Variants in RAB30 observed in about 807,000 individuals in gnomAD.
RAB30 encodes the protein ras-related protein Rab-30.
A neutral mutation model predicts 25.1 loss-of-function variants in RAB30; 9 were observed. The observed-to-expected ratio is 0.36, with a 90% CI of 0.22 to 0.63. The LOEUF (loss-of-function observed/expected upper bound fraction) is 0.63. Among genes scored for constraint, RAB30 ranks in the 20% least tolerant of loss-of-function variants. The pLI, the probability that RAB30 is intolerant of heterozygous loss-of-function variation, is 0.69. For missense variants in RAB30, 140 were observed against 243.5 expected, an observed-to-expected ratio of 0.58 and a Z score of 2.83; for synonymous variants, 77 against 86.4, an observed-to-expected ratio of 0.89 and a Z score of 0.60.
intron 1 of RAB30, among the ~76,000 whole-genome samples, chr11:83,032,995 A>G (rs1857905272): frequency 7.0e-6 from 1 of 142,632 alleles, no homozygotes; most frequent in South Asian, 2.5e-4. Context: ...TATGGTTTTG[A>G]TGTATTTTTC....
In RAB30 at chr11:82,981,061, T is replaced by C. The variant is rs556552331; in HGVS notation, c.*1104A>G. 92 of 152,328 alleles carry C rather than the reference T, an allele frequency of 6.0e-4. No individual in the cohort carries two copies. The highest frequency in any genetic ancestry group is 2.1e-3 in the African/African-American group (89 of 41,566). 9.4% of individuals were successfully genotyped at this position (152,328 alleles called of 1,614,324 possible). On this transcript the variant is annotated 3_prime_UTR_variant, in exon 5 of 5. Transcript: ENST00000527633. Reference sequence around the variant, plus strand: ...TTTCATCTGTTGCTATTCTCACTTATCATACTAAAAAATCTACAAAATCCT... The same window carrying C: ...TTTCATCTGTTGCTATTCTCACTTACCATACTAAAAAATCTACAAAATCCT...
At chr11:82,991,530 AG>A (rs1164787188) in intron 3 of RAB30, among the ~76,000 whole-genome samples, 10 of 150,622 alleles carry the variant, frequency 6.6e-5, no homozygotes, top group African/African-American at 2.2e-4. Flanking sequence ...AAAAAAAAAA[AG>A]ATGACAATAA....
chr11:83,057,913 T>A (rs78476653), intron 1 of RAB30, among the ~76,000 whole-genome samples: 10,315 of 152,234 alleles, frequency 0.068, 770 homozygotes, highest in African/African-American at 0.18. Context: ...AGAGCTACTG[T>A]CGGCTTTGCC....
rs1157444379 is a variant in RAB30, at chr11:82,982,028, C to T, written c.*137G>A. 3 of 1,229,192 alleles carry T rather than the reference C, an allele frequency of 2.4e-6. No individual in the cohort carries two copies. Among genetic ancestry groups the T allele is most frequent in the Non-Finnish European group, 3.4e-6 (3 of 876,680 alleles). The allele number at this position is 1,229,192 out of a possible 1,614,324, so 76.1% of individuals were successfully genotyped here. ...GCCTGTGGTCGAGGCCCTTGGCCTG[C>T]CATGCTTTGTAAGCTCAGGAGCCCA... On this transcript the variant is annotated 3_prime_UTR_variant, in exon 5 of 5. Coordinates refer to ENST00000527633, the MANE Select transcript of RAB30 (RefSeq NM_001286060.2).
intron 3 of RAB30, among the ~76,000 whole-genome samples, chr11:82,989,578 G>A (rs1856809075): frequency 6.6e-6 from 1 of 152,226 alleles, no homozygotes; most frequent in Admixed American, 6.5e-5. Context: ...AGAATAATGG[G>A]CTATTGTTTT....
intron 1 of RAB30, among the ~76,000 whole-genome samples, chr11:83,001,446 T>C (rs1857083687): frequency 6.6e-6 from 1 of 152,196 alleles, no homozygotes; most frequent in African/African-American, 2.4e-5. Context: ...TCCAAAGTGC[T>C]GGGATTACAG....
intron 1 of RAB30, among the ~76,000 whole-genome samples, chr11:83,062,918 G>A (rs550059816): frequency 8.6e-5 from 13 of 150,532 alleles, no homozygotes; most frequent in Admixed American, 4.7e-4. Flanking sequence ...CAAGAGAATC[G>A]CTTGAACCCA....
chr11:82,984,518 C>T, intron 4 of RAB30, among the ~76,000 whole-genome samples: 1 of 152,312 alleles, frequency 6.6e-6, no homozygotes, highest in East Asian at 1.9e-4. Flanking sequence ...AGCTGTATTT[C>T]CTGTCCTGTG....
intron 1 of RAB30, among the ~76,000 whole-genome samples, chr11:83,028,911 C>G (rs1857786789): frequency 6.6e-6 from 1 of 152,130 alleles, no homozygotes; most frequent in Admixed American, 6.5e-5. Context: ...GTGGCATGCA[C>G]CTGTGGTCCC....
intron 1 of RAB30, among the ~76,000 whole-genome samples, chr11:82,999,610 A>C (rs1857033952): frequency 6.6e-6 from 1 of 152,070 alleles, no homozygotes; most frequent in Non-Finnish European, 1.5e-5. Context: ...TCTCCTCATA[A>C]TCCACATTCT....
rs1856580689 is a variant in RAB30 at position 82,978,336 on chromosome 11, A to C, written c.*3829T>G. The C allele has an allele frequency of 6.6e-6, 1 of 152,176 alleles. No homozygotes were observed. Among genetic ancestry groups the C allele is most frequent in the African/African-American group, 2.4e-5 (1 of 41,446 alleles). The allele number at this position is 152,176 out of a possible 1,614,324, so 9.4% of individuals were successfully genotyped here. A position where few individuals can be genotyped will look rare whatever the true frequency, so the allele number is the denominator to read the frequency against. On this transcript the variant is annotated 3_prime_UTR_variant, in exon 5 of 5. Transcript: ENST00000527633. ...CAGAGTTCTACAAGATTAAGAAATA[A>C]AAAAGACATTAGATTTTTGCCCTAA... is the stretch of plus-strand genomic sequence containing the variant.
intron 1 of RAB30, among the ~76,000 whole-genome samples, chr11:83,040,567 G>A (rs1022734511): frequency 6.7e-6 from 1 of 149,180 alleles, no homozygotes; most frequent in Non-Finnish European, 1.5e-5. Flanking sequence ...ACTCCAGCCT[G>A]GGCAACAAGA....
rs1856648830 is a variant in RAB30, at chr11:82,982,092, C to T, written c.*73G>A. ...GTCAGAGAGCGGGAGCCACAGTCAT[C>T]GCCAGATCTCCCCAGCATCTCATGG... On this transcript the variant is annotated 3_prime_UTR_variant, in exon 5 of 5. Coordinates refer to ENST00000527633, the MANE Select transcript of RAB30 (RefSeq NM_001286060.2). The T allele has an allele frequency of 4.4e-6, 7 of 1,585,288 alleles. No homozygotes were observed. Among genetic ancestry groups the T allele is most frequent in the Non-Finnish European group, 6.0e-6 (7 of 1,160,954 alleles).
intron 1 of RAB30, among the ~76,000 whole-genome samples, chr11:83,044,239 A>T (rs1410008276): frequency 3.3e-5 from 5 of 152,236 alleles, no homozygotes; most frequent in Non-Finnish European, 5.9e-5. Context: ...AAAATCCCTA[A>T]AGAATCTTAC....
chr11:83,015,543 C>CATCT (rs1187566605), intron 1 of RAB30, among the ~76,000 whole-genome samples: 1 of 152,166 alleles, frequency 6.6e-6, no homozygotes, highest in Non-Finnish European at 1.5e-5. Context: ...GACTCTCAGA[C>CATCT]ATCTATGTGG....
intron 1 of RAB30, among the ~76,000 whole-genome samples, chr11:83,063,747 C>T (rs1374478559): frequency 6.6e-6 from 1 of 152,160 alleles, no homozygotes; most frequent in East Asian, 1.9e-4. Context: ...AATCAGGGGG[C>T]AATGCTAGTG....
At chr11:83,054,144 G>A (rs1255452414) in intron 1 of RAB30, among the ~76,000 whole-genome samples, 2 of 152,102 alleles carry the variant, frequency 1.3e-5, no homozygotes, top group Non-Finnish European at 2.9e-5. Context: ...GGAAGGATGA[G>A]GTTCTTGTGG....
intron 1 of RAB30, among the ~76,000 whole-genome samples, chr11:83,015,696 A>G (rs1857420558): frequency 1.3e-5 from 2 of 152,230 alleles, no homozygotes; most frequent in South Asian, 4.1e-4. Context: ...GGGCCATTTC[A>G]GAACCTGGGC....
At position 82,976,737 on chromosome 11, in the gene RAB30, A is replaced by G. The variant is rs549693346; in HGVS notation, c.*5428T>C. On this transcript the variant is annotated 3_prime_UTR_variant, in exon 5 of 5. Transcript: ENST00000527633. ...TGACTTAAAAAAACAAAACAAAACC[A>G]TAAAAAAAGACCAATGAAGAGCCGT... 3 of 152,166 alleles carry G rather than the reference A, an allele frequency of 2.0e-5. No homozygotes were observed. Among genetic ancestry groups the G allele is most frequent in the African/African-American group, 7.2e-5 (3 of 41,442 alleles). The allele number at this position is 152,166 out of a possible 1,614,324, so 9.4% of individuals were successfully genotyped here.
Sources: allele counts gnomAD v4.1 joint callset (sites outside exome capture counted in the v4.1 genomes callset), GRCh38; gene constraint gnomAD v4.1.1; transcripts MANE v1.5; gene names NCBI Gene and HGNC (gene_info 2026-07-23, HGNC 2026-07-21).